DIP2C: variants seen among roughly 807,000 people sequenced by gnomAD.
DIP2C encodes DIP2 acetate--CoA ligase C (putative), also known as disco-interacting protein 2 homolog C.
Under a neutral mutation model 192.4 loss-of-function variants are expected in DIP2C, and 33 were observed. The observed-to-expected ratio is 0.17, with a 90% CI of 0.13 to 0.23. The LOEUF is 0.23. Among genes scored for constraint, DIP2C ranks in the 10% least tolerant of loss-of-function variants. DIP2C has a pLI of 1.00. For synonymous variants in DIP2C, 979 were observed against 864.1 expected, an observed-to-expected ratio of 1.13 and a Z score of -2.33; for missense variants, 1,537 against 2,110.1, an observed-to-expected ratio of 0.73 and a Z score of 5.32.
intron 32 of DIP2C, among the ~76,000 whole-genome samples, chr10:290,724 G>A (rs1175032150): frequency 1.3e-5 from 2 of 152,224 alleles, no homozygotes; most frequent in African/African-American, 4.8e-5. Flanking sequence ...AGAACTAGGA[G>A]GGGGTCAGAG....
chr10:352,799 G>A (rs1046226829), intron 24 of DIP2C, among the ~76,000 whole-genome samples: 5 of 152,166 alleles, frequency 3.3e-5, no homozygotes, highest in African/African-American at 9.7e-5. Context: ...CACCCCGTGT[G>A]GTTGAACGGG....
chr10:663,869 T>A (rs1373909744), intron 1 of DIP2C: 1 of 144,218 alleles, frequency 6.9e-6, no homozygotes, highest in Non-Finnish European at 1.5e-5. Flanking sequence ...GAAGCAGGGA[T>A]CTGACGCTTA....
chr10:613,299 C>T (rs1392789085), intron 1 of DIP2C, among the ~76,000 whole-genome samples: 1 of 152,238 alleles, frequency 6.6e-6, no homozygotes, highest in Non-Finnish European at 1.5e-5. Flanking sequence ...CTCCGCCTCC[C>T]ACCTAGAAAA....
rs1428947556 is a variant in DIP2C, at chr10:557,713, TGGGCAGGGCAGGGGAGGGGAA to T, written c.86-71204_86-71184del. On this transcript the variant is annotated intron_variant, in intron 1 of 36. Transcript: ENST00000280886. The stretch of plus-strand genomic sequence containing the variant: ...GTGGGGGTGGGGGCGGGGGAGGGGA[TGGGCAGGGCAGGGGAGGGGAA>T]GGGGGAGAGGATGGGTGGGAAGGGG... Among the ~76,000 whole-genome samples the T allele has an allele frequency of 3.8e-4, 11 of 28,982 alleles. No individual in the cohort carries two copies. The Admixed American group carries it at 3.8e-3, about 10-fold the overall frequency. The allele number at this position is 28,982 out of a possible 152,430, so 19.0% of individuals were successfully genotyped here. A position where few individuals can be genotyped will look rare whatever the true frequency, so the allele number is the denominator to read the frequency against.
At chr10:503,024 C>T (rs575715875) in intron 1 of DIP2C, among the ~76,000 whole-genome samples, 3 of 151,580 alleles carry the variant, frequency 2.0e-5, no homozygotes, top group African/African-American at 7.3e-5. Flanking sequence ...GCATAAATTC[C>T]GCCAGAACAC....
chr10:445,412 G>C (rs985478300), intron 3 of DIP2C, among the ~76,000 whole-genome samples: 1 of 151,760 alleles, frequency 6.6e-6, no homozygotes, highest in South Asian at 2.1e-4. Flanking sequence ...TGGTTGCAAA[G>C]AGTATATCTT....
At chr10:635,443 G>C (rs1054410953) in intron 1 of DIP2C, among the ~76,000 whole-genome samples, 4 of 152,266 alleles carry the variant, frequency 2.6e-5, no homozygotes, top group Admixed American at 2.6e-4. Flanking sequence ...CCAGGGACTG[G>C]GCAGGGGGAG....
At chr10:464,625 C>T (rs1325553175) in intron 3 of DIP2C, among the ~76,000 whole-genome samples, 1 of 152,200 alleles carries the variant, frequency 6.6e-6, no homozygotes, top group African/African-American at 2.4e-5. Flanking sequence ...AATCCCATTA[C>T]TGGGTATACA....
intron 34 of DIP2C, among the ~76,000 whole-genome samples, chr10:283,963 T>C (rs1211894190): frequency 6.6e-6 from 1 of 152,202 alleles, no homozygotes; most frequent in African/African-American, 2.4e-5. Context: ...GCCTGATGTC[T>C]GACATTTGGG....
At chr10:341,818 G>A (rs573949320) in intron 28 of DIP2C, among the ~76,000 whole-genome samples, 13 of 152,188 alleles carry the variant, frequency 8.5e-5, no homozygotes, top group Non-Finnish European at 1.3e-4. Flanking sequence ...GTTCCCGGCT[G>A]CAGTGAGCTA....
intron 1 of DIP2C, among the ~76,000 whole-genome samples, chr10:526,172 A>C (rs1847040335): frequency 6.6e-6 from 1 of 152,218 alleles, no homozygotes; most frequent in African/African-American, 2.4e-5. Context: ...CAGCAGACAC[A>C]GCAAATGCAG....
chr10:598,021 C>T (rs1411713939), intron 1 of DIP2C, among the ~76,000 whole-genome samples: 1 of 152,242 alleles, frequency 6.6e-6, no homozygotes, highest in Non-Finnish European at 1.5e-5. Flanking sequence ...GCAGCGCCAT[C>T]ATTAAACGTT....
Position 636,671 on chromosome 10 carries a change from C to T in DIP2C, c.85+52823G>A, listed in dbSNP as rs369284567. Among the ~76,000 whole-genome samples, 2 of 152,242 alleles carry T rather than the reference C, an allele frequency of 1.3e-5. No individual in the cohort carries two copies. The highest frequency in any genetic ancestry group is 3.8e-4 in the East Asian group (2 of 5,206). Reference sequence around the variant, plus strand: ...CCACACACTGCGCCGAGTGACTCTCCTTCCCCATCTTCGTCAGGGACAGCC... The same window carrying T: ...CCACACACTGCGCCGAGTGACTCTCTTTCCCCATCTTCGTCAGGGACAGCC... On this transcript the variant is annotated intron_variant, in intron 1 of 36. Coordinates refer to ENST00000280886, the MANE Select transcript of DIP2C (RefSeq NM_014974.3). This position sits in a 1 kb window ranked among gnomAD's most constrained non-coding sequence, Gnocchi z 4.6.
chr10:648,281 C>T (rs1013630807), intron 1 of DIP2C, among the ~76,000 whole-genome samples: 11 of 150,832 alleles, frequency 7.3e-5, no homozygotes, highest in Non-Finnish European at 1.5e-5. Context: ...AAACTGAGTC[C>T]ACATCCACAT....
chr10:551,998 AG>A (rs1430818930), intron 1 of DIP2C, among the ~76,000 whole-genome samples: 1 of 152,218 alleles, frequency 6.6e-6, no homozygotes, highest in Non-Finnish European at 1.5e-5. Context: ...CAGGCATCAA[AG>A]GGAGGGCTTC....
intron 1 of DIP2C, among the ~76,000 whole-genome samples, chr10:514,718 C>G (rs1377156537): frequency 6.6e-6 from 1 of 152,144 alleles, no homozygotes; most frequent in Non-Finnish European, 1.5e-5. Flanking sequence ...TCTGCACGTC[C>G]CTGCTCCCTG....
At chr10:313,755 A>G (rs769881762) in intron 31 of DIP2C, among the ~76,000 whole-genome samples, 1 of 152,258 alleles carries the variant, frequency 6.6e-6, no homozygotes, top group African/African-American at 2.4e-5. Context: ...CTGACACAGA[A>G]GTATTATATC....
intron 1 of DIP2C, among the ~76,000 whole-genome samples, chr10:496,576 G>A (rs923172350): frequency 6.7e-6 from 1 of 148,620 alleles, no homozygotes; most frequent in Non-Finnish European, 1.5e-5. Flanking sequence ...AACACATGGT[G>A]CCCTCCTGTG....
intron 33 of DIP2C, among the ~76,000 whole-genome samples, chr10:286,760 A>G (rs1323465321): frequency 2.0e-5 from 3 of 152,248 alleles, no homozygotes; most frequent in Non-Finnish European, 4.4e-5. Context: ...AGATATTTAC[A>G]TAGAGTCAAT....
Sources: allele counts gnomAD v4.1 joint callset (sites outside exome capture counted in the v4.1 genomes callset), GRCh38; gene constraint gnomAD v4.1.1; non-coding constraint Gnocchi (gnomAD v3.1); transcripts MANE v1.5; gene names NCBI Gene and HGNC (gene_info 2026-07-23, HGNC 2026-07-21).